BRD10: variants seen among roughly 807,000 people sequenced by gnomAD.
BRD10 encodes bromodomain containing 10, also known as uncharacterized bromodomain-containing protein 10.
the BRD10 span, among the ~76,000 whole-genome samples, chr9:5,956,418 G>C: frequency 6.6e-6 from 1 of 152,268 alleles, no homozygotes; most frequent in African/African-American, 2.4e-5. Context: ...TTGAGTGCCT[G>C]CTACAACCAC....
chr9:5,969,410 G>A, the BRD10 span: 2 of 1,577,610 alleles, frequency 1.3e-6, no homozygotes, highest in Non-Finnish European at 1.7e-6. Context: ...AGCTTCTTCT[G>A]CTTCTTTTCT....
the BRD10 span, chr9:6,007,479 C>G: frequency 6.2e-7 from 1 of 1,611,644 alleles, no homozygotes; most frequent in Non-Finnish European, 8.5e-7. Flanking sequence ...CCCCCAAGGG[C>G]TGCAGAAAGG....
At chr9:5,893,792 T>C in the BRD10 span, among the ~76,000 whole-genome samples, 7 of 152,160 alleles carry the variant, frequency 4.6e-5, no homozygotes, top group African/African-American at 1.7e-4. Flanking sequence ...TCCCCATGGC[T>C]GAAGATGTTG....
chr9:5,907,116 T>A, the BRD10 span: 1 of 539,792 alleles, frequency 1.9e-6, no homozygotes, highest in Non-Finnish European at 3.0e-6. Flanking sequence ...GCCACTGAAC[T>A]ATATACACCT....
At chr9:5,928,714 C>T in the BRD10 span, among the ~76,000 whole-genome samples, 2 of 152,186 alleles carry the variant, frequency 1.3e-5, no homozygotes, top group African/African-American at 2.4e-5. Flanking sequence ...CTTTCCCTGA[C>T]ACCTGATCAA....
the BRD10 span, among the ~76,000 whole-genome samples, chr9:5,930,028 T>C: frequency 6.6e-6 from 1 of 152,004 alleles, no homozygotes; most frequent in Non-Finnish European, 1.5e-5. Flanking sequence ...TATATAAAAT[T>C]ATTTGAATAA....
At chr9:5,906,583 G>A in the BRD10 span, among the ~76,000 whole-genome samples, 2 of 152,140 alleles carry the variant, frequency 1.3e-5, no homozygotes, top group Non-Finnish European at 2.9e-5. Flanking sequence ...TCCTTTTGTA[G>A]ATTCACTCTT....
chr9:5,965,076 A>G, the BRD10 span, among the ~76,000 whole-genome samples: 11 of 151,208 alleles, frequency 7.3e-5, no homozygotes, highest in African/African-American at 2.7e-4. Flanking sequence ...AAAAAAAAGA[A>G]AAAAAAATCA....
the BRD10 span, among the ~76,000 whole-genome samples, chr9:5,998,641 A>G: frequency 1.1e-4 from 16 of 152,100 alleles, no homozygotes; most frequent in Non-Finnish European, 1.6e-4. Context: ...TAAGTAAATA[A>G]TACATGTGTA....
the BRD10 span, chr9:5,922,411 G>A: frequency 1.2e-6 from 2 of 1,613,978 alleles, no homozygotes; most frequent in East Asian, 4.5e-5. Context: ...GTGTTAATAA[G>A]TTACTTACAG....
At chr9:5,914,721 C>A in the BRD10 span, among the ~76,000 whole-genome samples, 11 of 151,972 alleles carry the variant, frequency 7.2e-5, no homozygotes, top group Admixed American at 3.3e-4. Flanking sequence ...CTGTGCCTGG[C>A]CAAATCTAGA....
the BRD10 span, among the ~76,000 whole-genome samples, chr9:5,976,118 T>C: frequency 2.0e-5 from 3 of 152,212 alleles, no homozygotes; most frequent in African/African-American, 7.2e-5. Context: ...AGTCATGGGC[T>C]TGAAGTTCAG....
chr9:5,951,035 TACACACACACACACACACACACAC>T, the BRD10 span, among the ~76,000 whole-genome samples: 25 of 141,762 alleles, frequency 1.8e-4, no homozygotes, highest in African/African-American at 5.8e-4. Flanking sequence ...GGGCTGACTG[TACACACACACACACACACACACAC>T]ACACACACAC....
At chr9:5,962,127 T>C in the BRD10 span, among the ~76,000 whole-genome samples, 1 of 152,154 alleles carries the variant, frequency 6.6e-6, no homozygotes, top group South Asian at 2.1e-4. Context: ...GTGCTATAAA[T>C]TTCCCTCTAC....
the BRD10 span, among the ~76,000 whole-genome samples, chr9:5,996,837 T>G: frequency 6.6e-6 from 1 of 152,200 alleles, no homozygotes; most frequent in African/African-American, 2.4e-5. Context: ...GCTACAGCTA[T>G]TCCTACTTCT....
chr9:5,896,523 C>T, the BRD10 span, among the ~76,000 whole-genome samples: 1 of 152,208 alleles, frequency 6.6e-6, no homozygotes, highest in African/African-American at 2.4e-5. Flanking sequence ...GAGCAAAAGT[C>T]TCTCCAGCAG....
the BRD10 span, among the ~76,000 whole-genome samples, chr9:5,916,103 T>C: frequency 5.8e-3 from 890 of 152,320 alleles, 4 homozygotes; most frequent in South Asian, 0.011. Context: ...GCTGAATAAA[T>C]GTGTAAGAAT....
chr9:5,954,350 C>G, the BRD10 span, among the ~76,000 whole-genome samples: 2 of 152,224 alleles, frequency 1.3e-5, no homozygotes, highest in African/African-American at 4.8e-5. Context: ...ATGTGTTATA[C>G]GGTAGAATCT....
the BRD10 span, among the ~76,000 whole-genome samples, chr9:5,893,956 T>C: frequency 1.5e-5 from 2 of 137,358 alleles, no homozygotes; most frequent in South Asian, 2.4e-4. Flanking sequence ...TCTTGCTGTG[T>C]TGTAAATGAA....
Sources: allele counts gnomAD v4.1 joint callset (sites outside exome capture counted in the v4.1 genomes callset), GRCh38; gene constraint gnomAD v4.1.1; transcripts MANE v1.5; gene names NCBI Gene and HGNC (gene_info 2026-07-23, HGNC 2026-07-21).